The following PRC1 variants were observed in gnomAD, a reference collection of about 807,000 sequenced individuals.
PRC1 encodes protein regulator of cytokinesis 1.
PRC1 carries 54 observed loss-of-function variants against 91.2 expected under a neutral mutation model. The observed-to-expected ratio is 0.59, with a 90% CI of 0.48 to 0.74. PRC1 has a LOEUF of 0.74. Ranked by LOEUF, PRC1 falls within the 30% of genes least tolerant of loss-of-function variation. PRC1 has a pLI of 0.00. For missense variants in PRC1, 727 were observed against 746.2 expected (o/e 0.97, Z 0.30); for synonymous variants, 275 against 263.6 (o/e 1.04, Z -0.42).
chr15:90,984,738 C>T lies in PRC1; in HGVS notation c.99G>A (p.Glu33=), dbSNP rs781528912. ...REIWELIGIP[E]DQRLQRTEVV... is the part of the protein sequence containing the mutation. The stretch of plus-strand genomic sequence containing the variant: ...CCTCAGTTCTTTGTAACCGCTGGTC[C>T]TCTGGAATCCCAATTAGCTCCCATA... The change falls in exon 2 of 15, where the codon GAG becomes GAA. Residue 33 remains glutamate (E), a synonymous_variant. Transcript: ENST00000394249. This position sits in a 1 kb window ranked among gnomAD's most constrained non-coding sequence, Gnocchi z 5.1. 1.4e-5 allele frequency: 22 copies of T among 1,614,060 alleles called. No individual in the cohort carries two copies. Among genetic ancestry groups the T allele is most frequent in the South Asian group, 1.3e-4 (12 of 91,088 alleles).
intron 1 of PRC1, among the ~76,000 whole-genome samples, chr15:90,992,192 C>A (rs2040018386): frequency 6.6e-6 from 1 of 152,122 alleles, no homozygotes; most frequent in Non-Finnish European, 1.5e-5. Flanking sequence ...AAAACCACAA[C>A]CCCCCTTCCT....
intron 14 of PRC1, chr15:90,968,235 G>A: frequency 2.0e-6 from 2 of 985,422 alleles, no homozygotes; most frequent in Non-Finnish European, 2.4e-6. Context: ...CAATCAGCCA[G>A]AGTGACACAC....
chr15:90,966,636 T>C lies in PRC1; in HGVS notation c.*495A>G. ...ACTTCGGACACACAAAGACATTCTC[T>C]TCAGGAGGAAGGCTGTCCTGTGTGG... On this transcript the variant is annotated 3_prime_UTR_variant, in exon 15 of 15. Transcript: ENST00000394249. 2.2e-6 allele frequency: 1 copy of C among 456,036 alleles called. No homozygotes were observed. 28.2% of individuals were successfully genotyped at this position (456,036 alleles called of 1,614,324 possible).
In PRC1 at chr15:90,984,838, A is replaced by C; in HGVS notation, c.12-13T>G. 1 of 1,613,956 alleles carries C rather than the reference A, an allele frequency of 6.2e-7. No individual in the cohort carries two copies. The highest frequency in any genetic ancestry group is 8.5e-7 in the Non-Finnish European group (1 of 1,179,922). ...CGCCAGCACCTCACTGAAAACCAAA[A>C]ACTAAGGCCTGTTAGTTACATCAGT... On this transcript the variant is annotated splice_polypyrimidine_tract_variant and intron_variant, in intron 1 of 14. Coordinates refer to ENST00000394249, the MANE Select transcript of PRC1 (RefSeq NM_003981.4). The surrounding 1 kb of genome is among the most constrained non-coding windows in gnomAD (Gnocchi z 5.1).
intron 12 of PRC1, 139 bp from the exon 13 acceptor site, chr15:90,969,762 ACATATATATATATATATATATATAT>A (rs2037909207): frequency 2.3e-5 from 4 of 174,640 alleles, no homozygotes; most frequent in East Asian, 1.1e-4. Context: ...TAAAAAAAAA[ACATATATATATATATATATATATAT>A]ATATATATAT....
intron 8 of PRC1, among the ~76,000 whole-genome samples, chr15:90,978,760 A>AC (rs796719929): frequency 0.03 from 4,093 of 138,064 alleles, 285 homozygotes; most frequent in African/African-American, 0.1. Flanking sequence ...CCTCAAAAAA[A>AC]AAAAAAAAAA....
chr15:90,993,884 A>ACCTGT (rs1411337730), intron 1 of PRC1, among the ~76,000 whole-genome samples: 9 of 152,080 alleles, frequency 5.9e-5, no homozygotes, highest in African/African-American at 2.2e-4. Flanking sequence ...GGAGTTCGAG[A>ACCTGT]CCAGCCTGGC....
chr15:90,967,073 T>C lies in PRC1; in HGVS notation c.*58A>G. The C allele has an allele frequency of 1.4e-6, 2 of 1,472,562 alleles. No homozygotes were observed. The highest frequency in any genetic ancestry group is 1.9e-6 in the Non-Finnish European group (2 of 1,054,028). The allele number at this position is 1,472,562 out of a possible 1,614,324, so 91.2% of individuals were successfully genotyped here. A position where few individuals can be genotyped will look rare whatever the true frequency, so the allele number is the denominator to read the frequency against. The stretch of plus-strand genomic sequence containing the variant: ...TGAAGAAAAACTAAAGTCACCCCCA[T>C]ATAATTAGGTCCAGTCTAGGCACAG... On this transcript the variant is annotated 3_prime_UTR_variant, in exon 15 of 15. Transcript: ENST00000394249.
chr15:90,982,899 T>C (rs1193566333), intron 3 of PRC1, among the ~76,000 whole-genome samples: 1 of 152,102 alleles, frequency 6.6e-6, no homozygotes, highest in East Asian at 1.9e-4. Context: ...TGGTAGTCCC[T>C]GCTCTACTCC....
intron 3 of PRC1, 94 bp downstream of exon 3, chr15:90,983,924 G>A (rs1011586836): frequency 8.7e-6 from 13 of 1,492,220 alleles, no homozygotes; most frequent in Non-Finnish European, 1.1e-5. Flanking sequence ...CCATCCCTAC[G>A]AGGAAGCCTT....
chr15:90,967,003 G>T lies in PRC1; in HGVS notation c.*128C>A. On this transcript the variant is annotated 3_prime_UTR_variant, in exon 15 of 15. Coordinates refer to ENST00000394249, the MANE Select transcript of PRC1 (RefSeq NM_003981.4). ...ACACTCATTCACATCTTTAAGTTAG[G>T]CCCATGGTCATGGAACCTGGCCAAG... 1 of 766,216 alleles carries T rather than the reference G, an allele frequency of 1.3e-6. No homozygotes were observed. The highest frequency in any genetic ancestry group is 2.2e-6 in the Non-Finnish European group (1 of 445,542). 47.5% of individuals were successfully genotyped at this position (766,216 alleles called of 1,614,324 possible). A position where few individuals can be genotyped will look rare whatever the true frequency, so the allele number is the denominator to read the frequency against.
At chr15:90,980,447 G>T in intron 6 of PRC1, 58 bp from the exon 7 acceptor site, 1 of 1,542,434 alleles carries the variant, frequency 6.5e-7, no homozygotes. Flanking sequence ...ACTCAGGTTT[G>T]CAAAAGATCC....
In PRC1 at chr15:90,994,441, A is replaced by G. The variant is rs1183482907; in HGVS notation, c.-24T>C. 1 of 1,610,430 alleles carries G rather than the reference A, an allele frequency of 6.2e-7. No homozygotes were observed. Among genetic ancestry groups the G allele is most frequent in the South Asian group, 1.1e-5 (1 of 90,666 alleles). On this transcript the variant is annotated 5_prime_UTR_variant, in exon 1 of 15. Coordinates refer to ENST00000394249, the MANE Select transcript of PRC1 (RefSeq NM_003981.4). ...ATGGCGGACGCTCCAAGCAGCCGTG[A>G]GTCCAGGTCCAGACCTACTCCACAC...
chr15:90,975,106 A>G (rs944746049), intron 9 of PRC1, among the ~76,000 whole-genome samples: 7 of 152,104 alleles, frequency 4.6e-5, no homozygotes, highest in African/African-American at 1.7e-4. Flanking sequence ...TGAAGCAGTG[A>G]GCAAATTTAC....
At chr15:90,993,881 G>C (rs2040129175) in intron 1 of PRC1, among the ~76,000 whole-genome samples, 1 of 152,082 alleles carries the variant, frequency 6.6e-6, no homozygotes, top group Non-Finnish European at 1.5e-5. Flanking sequence ...CCAGGAGTTC[G>C]AGACCAGCCT....
intron 14 of PRC1, chr15:90,968,852 G>C (rs897618585): frequency 7.4e-7 from 1 of 1,353,814 alleles, no homozygotes; most frequent in African/African-American, 1.5e-5. Context: ...TTAAAACTGT[G>C]CCTGACTTTA....
chr15:90,973,814 G>A (rs1284810801), intron 11 of PRC1, among the ~76,000 whole-genome samples: 2 of 151,962 alleles, frequency 1.3e-5, no homozygotes, highest in South Asian at 2.1e-4. Context: ...CTTTGCTCAC[G>A]TTTTCCTGCT....
At chr15:90,977,927 G>A (rs543372443) in intron 8 of PRC1, among the ~76,000 whole-genome samples, 1 of 152,272 alleles carries the variant, frequency 6.6e-6, no homozygotes, top group East Asian at 1.9e-4. Flanking sequence ...GTAACCAGAA[G>A]TAAAGAATAA....
Position 90,974,343 on chromosome 15 carries a change from T to C in PRC1, c.1351-97A>G. 1 of 1,192,400 alleles carries C rather than the reference T, an allele frequency of 8.4e-7. No individual in the cohort carries two copies. The highest frequency in any genetic ancestry group is 1.2e-6 in the Non-Finnish European group (1 of 822,002). 73.9% of individuals were successfully genotyped at this position (1,192,400 alleles called of 1,614,324 possible). A position where few individuals can be genotyped will look rare whatever the true frequency, so the allele number is the denominator to read the frequency against. The stretch of plus-strand genomic sequence containing the variant: ...GGCCGGGAATCTAGGCCCGTGTCTC[T>C]ACAGCCAGAGCTAAAGAGCTGCCGC... On this transcript the variant is annotated intron_variant, in intron 10 of 14. Coordinates refer to ENST00000394249, the MANE Select transcript of PRC1 (RefSeq NM_003981.4). The surrounding 1 kb of genome is among the most constrained non-coding windows in gnomAD (Gnocchi z 4.6).
Sources: gnomAD v4.1 joint callset for allele counts (sites outside exome capture counted in the v4.1 genomes callset) on GRCh38, gnomAD v4.1.1 for gene constraint, Gnocchi (gnomAD v3.1) non-coding constraint, MANE v1.5 for transcripts, NCBI Gene and HGNC (gene_info 2026-07-23, HGNC 2026-07-21) for gene names.